ATRNL1: variants seen among roughly 807,000 people sequenced by gnomAD.
The protein encoded by ATRNL1 is attractin-like protein 1.
A neutral mutation model predicts 182.7 loss-of-function variants in ATRNL1; 95 were observed. The ratio of observed to expected loss-of-function variants is 0.52; its 90% CI spans 0.44 to 0.62. ATRNL1 has a LOEUF of 0.62. Ranked by LOEUF, ATRNL1 falls within the 20% of genes least tolerant of loss-of-function variation. ATRNL1 has a pLI of 0.00. For synonymous variants in ATRNL1, 576 were observed against 568.3 expected, an observed-to-expected ratio of 1.01 and a Z score of -0.19; for missense variants, 1,471 against 1,679.5, an observed-to-expected ratio of 0.88 and a Z score of 2.17.
chr10:115,756,986 CT>C (rs1164476364), intron 27 of ATRNL1, among the ~76,000 whole-genome samples: 4 of 151,856 alleles, frequency 2.6e-5, no homozygotes, highest in Non-Finnish European at 4.4e-5. Context: ...GCAACCCCTG[CT>C]TTTTTTTGTT....
chr10:115,313,221 A>G (rs1170261975), intron 17 of ATRNL1, among the ~76,000 whole-genome samples: 1 of 152,066 alleles, frequency 6.6e-6, no homozygotes, highest in Non-Finnish European at 1.5e-5. Context: ...TCATATTGCC[A>G]GAATTATTTT....
intron 8 of ATRNL1, among the ~76,000 whole-genome samples, chr10:115,202,779 A>G (rs1291259187): frequency 1.1e-4 from 16 of 145,646 alleles, no homozygotes; most frequent in African/African-American, 3.9e-4. Context: ...CTCTTTTTCT[A>G]TTGATTGGAA....
intron 7 of ATRNL1, among the ~76,000 whole-genome samples, chr10:115,170,063 T>A (rs146461311): frequency 0.018 from 2,686 of 152,270 alleles, 29 homozygotes; most frequent in South Asian, 0.028. Flanking sequence ...ACTTTCTATA[T>A]ACCAGATTGC....
At chr10:115,912,721 C>T (rs1952721278) in intron 28 of ATRNL1, among the ~76,000 whole-genome samples, 1 of 152,096 alleles carries the variant, frequency 6.6e-6, no homozygotes, top group South Asian at 2.1e-4. Context: ...TCACAAAGCT[C>T]TGTGCTGTAT....
At chr10:115,703,889 T>C (rs1364614402) in intron 26 of ATRNL1, among the ~76,000 whole-genome samples, 1 of 151,840 alleles carries the variant, frequency 6.6e-6, no homozygotes, top group Non-Finnish European at 1.5e-5. Flanking sequence ...AGGCCTCTTA[T>C]CAAATATATG....
intron 17 of ATRNL1, among the ~76,000 whole-genome samples, chr10:115,309,737 G>C (rs1329176916): frequency 2.0e-5 from 3 of 151,928 alleles, no homozygotes; most frequent in Non-Finnish European, 4.4e-5. Flanking sequence ...TAGGTATACA[G>C]TATAAAATCA....
chr10:115,294,990 A>T (rs1853106669), intron 15 of ATRNL1, among the ~76,000 whole-genome samples: 1 of 152,152 alleles, frequency 6.6e-6, no homozygotes, highest in African/African-American at 2.4e-5. Context: ...GGCAACTTGC[A>T]TTCTGGCTTG....
At chr10:115,501,295 T>C (rs1425153760) in intron 24 of ATRNL1, among the ~76,000 whole-genome samples, 1 of 151,992 alleles carries the variant, frequency 6.6e-6, no homozygotes, top group Admixed American at 6.6e-5. Flanking sequence ...TACCTATGAG[T>C]TGGGTGAATT....
chr10:115,808,324 T>C (rs1949968984), intron 27 of ATRNL1, among the ~76,000 whole-genome samples: 1 of 152,178 alleles, frequency 6.6e-6, no homozygotes, highest in Admixed American at 6.6e-5. Context: ...CTTAAACCAG[T>C]GCTAGGAAGA....
chr10:115,703,916 C>T (rs1946817162), intron 26 of ATRNL1, among the ~76,000 whole-genome samples: 3 of 151,642 alleles, frequency 2.0e-5, no homozygotes. Context: ...TGATCTACGG[C>T]TTGATTTTCA....
At chr10:115,628,755 G>A (rs1280664205) in intron 26 of ATRNL1, among the ~76,000 whole-genome samples, 7 of 152,054 alleles carry the variant, frequency 4.6e-5, no homozygotes, top group Admixed American at 4.6e-4. Flanking sequence ...TTTCTATGTG[G>A]TGTGAGTCCA....
chr10:115,559,262 CAG>C (rs1853518124), intron 26 of ATRNL1, among the ~76,000 whole-genome samples: 1 of 152,202 alleles, frequency 6.6e-6, no homozygotes, highest in South Asian at 2.1e-4. Context: ...ATAGCAAGCA[CAG>C]AGATTGCATT....
At chr10:115,124,587 A>G (rs1191837418) in intron 3 of ATRNL1, among the ~76,000 whole-genome samples, 1 of 152,132 alleles carries the variant, frequency 6.6e-6, no homozygotes, top group Non-Finnish European at 1.5e-5. Context: ...AGCCCCTCCC[A>G]TCCCCTTCTC....
intron 10 of ATRNL1, among the ~76,000 whole-genome samples, chr10:115,250,136 G>A (rs1850812657): frequency 6.6e-6 from 1 of 152,188 alleles, no homozygotes; most frequent in Non-Finnish European, 1.5e-5. Context: ...TACTTACACA[G>A]ATTGCTTGTG....
At chr10:115,429,226 T>C (rs899145324) in intron 21 of ATRNL1, among the ~76,000 whole-genome samples, 1 of 152,146 alleles carries the variant, frequency 6.6e-6, no homozygotes, top group Non-Finnish European at 1.5e-5. Flanking sequence ...TCTTGTTTGA[T>C]ATATAAAAAT....
Position 115,300,159 on chromosome 10 carries a change from T to C in ATRNL1, c.2541T>C (p.Cys847=), listed in dbSNP as rs1554924000. 1.2e-6 allele frequency: 2 copies of C among 1,614,112 alleles called. No homozygotes were observed. The highest frequency in any genetic ancestry group is 3.3e-5 in the Admixed American group (2 of 60,020). The change falls in exon 16 of 29, where the codon TGT becomes TGC. Residue 847 remains cysteine, a synonymous_variant. Coordinates refer to ENST00000355044, the MANE Select transcript of ATRNL1 (RefSeq NM_207303.4). ...LPGEPNDSGF[C]AYLERAAVAG... is the part of the protein sequence containing the mutation. ...GCGAACCCAATGATTCTGGGTTTTGTGCATATCTGGAAAGGGCTGCAGTGG... is the reference window on the plus strand; with the variant it reads ...GCGAACCCAATGATTCTGGGTTTTGCGCATATCTGGAAAGGGCTGCAGTGG...
chr10:115,705,167 C>T (rs571339914), intron 26 of ATRNL1, among the ~76,000 whole-genome samples: 1 of 152,068 alleles, frequency 6.6e-6, no homozygotes, highest in Non-Finnish European at 1.5e-5. Flanking sequence ...TTAAATATCT[C>T]ATTTATGTTT....
chr10:115,898,186 A>C (rs1000786147), intron 28 of ATRNL1, among the ~76,000 whole-genome samples: 3 of 152,172 alleles, frequency 2.0e-5, no homozygotes, highest in African/African-American at 7.2e-5. Flanking sequence ...TGGCTTCCCA[A>C]AGTGATGGGA....
intron 5 of ATRNL1, among the ~76,000 whole-genome samples, chr10:115,150,230 T>TA (rs1258488398): frequency 2.6e-5 from 4 of 151,524 alleles, no homozygotes; most frequent in African/African-American, 9.8e-5. Context: ...TTGGGTTTTC[T>TA]AATTTTTTTT....
Sources: gnomAD v4.1 joint callset for allele counts (sites outside exome capture counted in the v4.1 genomes callset) on GRCh38, gnomAD v4.1.1 for gene constraint, MANE v1.5 for transcripts, NCBI Gene and HGNC (gene_info 2026-07-23, HGNC 2026-07-21) for gene names.